Variants in PNPLA7 observed in about 807,000 individuals in gnomAD.
The protein encoded by PNPLA7 is patatin-like phospholipase domain-containing protein 7.
In PNPLA7, 153 loss-of-function variants were observed where a neutral mutation model predicts 161.7. The observed-to-expected ratio is 0.95, with a 90% CI of 0.83 to 1.08. The LOEUF is 1.08. PNPLA7 is among the 50% of genes least tolerant of loss of function. The pLI is 0.00. For synonymous variants in PNPLA7, 809 were observed against 782.1 expected (o/e 1.03, Z -0.57); for missense variants, 1,739 against 1,856.6 (o/e 0.94, Z 1.16).
intron 1 of PNPLA7, 66 bp downstream of exon 1, chr9:137,550,102 C>T: frequency 6.3e-7 from 1 of 1,599,198 alleles, no homozygotes; most frequent in East Asian, 2.2e-5. Context: ...CAAGAGGACC[C>T]TTCTCTGGGT....
chr9:137,521,571 C>T (rs1276506778), intron 10 of PNPLA7, 65 bp downstream of exon 10: 2 of 1,547,374 alleles, frequency 1.3e-6, no homozygotes, highest in Non-Finnish European at 1.8e-6. Context: ...CCGTGCCAAC[C>T]AATAGCTGTC....
At chr9:137,461,198 G>C (rs1191742827) in intron 33 of PNPLA7, 4 of 356,088 alleles carry the variant, frequency 1.1e-5, no homozygotes, top group Non-Finnish European at 2.1e-5. Flanking sequence ...CGCCCTTCTT[G>C]TCCTGCGGCC....
At chr9:137,488,180 T>C (rs1282617405) in intron 20 of PNPLA7, among the ~76,000 whole-genome samples, 2 of 152,166 alleles carry the variant, frequency 1.3e-5, no homozygotes, top group Non-Finnish European at 2.9e-5. Flanking sequence ...TGCAGTCTGA[T>C]GTCTCGTCCC....
chr9:137,469,086 T>G (rs1412221337), intron 25 of PNPLA7, among the ~76,000 whole-genome samples: 2 of 152,042 alleles, frequency 1.3e-5, no homozygotes, highest in Non-Finnish European at 2.9e-5. Flanking sequence ...TTCAAGGAAT[T>G]AAAAACAAGA....
Position 137,501,636 on chromosome 9 carries a change from A to AG in PNPLA7, c.1551+13dup, listed in dbSNP as rs1223602667. The AG allele has an allele frequency of 1.3e-6, 2 of 1,590,762 alleles. No homozygotes were observed. The highest frequency in any genetic ancestry group is 1.1e-5 in the South Asian group (1 of 90,094). ...TTGGGTGGTCCCAGTGCCCCCCCCC[A>AG]GACCCCCGCTCACCTGGTCTCCCTG... On this transcript the variant is annotated intron_variant, in intron 15 of 34. Coordinates refer to ENST00000406427, the MANE Select transcript of PNPLA7 (RefSeq NM_001098537.3).
At chr9:137,533,807 CAG>C (rs1446779990) in intron 8 of PNPLA7, among the ~76,000 whole-genome samples, 3 of 146,630 alleles carry the variant, frequency 2.0e-5, no homozygotes, top group Admixed American at 6.7e-5. Context: ...TCCTCCCCAA[CAG>C]TGTCCACTCC....
rs370084661 is a variant in PNPLA7 at position 137,480,303 on chromosome 9, C to A, written c.2580+9G>T. 6.2e-7 allele frequency: 1 copy of A among 1,610,310 alleles called. No homozygotes were observed. The highest frequency in any genetic ancestry group is 1.1e-5 in the South Asian group (1 of 90,842). On this transcript the variant is annotated intron_variant, in intron 23 of 34. Transcript: ENST00000406427. Reference sequence around the variant, plus strand: ...TCTCCCCAGCTCCACCGGCCCTCCCCGTGCTCACCTCGCCCACTGTGGGCT... The same window carrying A: ...TCTCCCCAGCTCCACCGGCCCTCCCAGTGCTCACCTCGCCCACTGTGGGCT...
At chr9:137,463,566 A>C in intron 28 of PNPLA7, 35 bp from the exon 29 acceptor site, 1 of 1,489,210 alleles carries the variant, frequency 6.7e-7, no homozygotes. Flanking sequence ...GGTTACCCGG[A>C]GGAGGCTCCT....
In PNPLA7 at chr9:137,540,770, C is replaced by A. The variant is rs766627205; in HGVS notation, c.667-48G>T. 6.5e-7 allele frequency: 1 copy of A among 1,549,154 alleles called. No homozygotes were observed. The highest frequency in any genetic ancestry group is 2.3e-5 in the East Asian group (1 of 42,762). ...GTGCCGTCAGGTCTGGGGCTGCGAC[C>A]GCGGGGCCTGGCGGAGGCTCAGCCC... On this transcript the variant is annotated intron_variant, in intron 7 of 34. Coordinates refer to ENST00000406427, the MANE Select transcript of PNPLA7 (RefSeq NM_001098537.3). This position sits in a 1 kb window ranked among gnomAD's most constrained non-coding sequence, Gnocchi z 5.1.
At chr9:137,546,246 A>G (rs1836519928) in intron 4 of PNPLA7, among the ~76,000 whole-genome samples, 1 of 151,992 alleles carries the variant, frequency 6.6e-6, no homozygotes. Context: ...GCCTCCTGTC[A>G]AGCAGACACG....
chr9:137,515,580 C>G, intron 11 of PNPLA7, 61 bp from the exon 12 acceptor site: 1 of 1,464,796 alleles, frequency 6.8e-7, no homozygotes, highest in Admixed American at 2.6e-5. Context: ...TCTGGTGCAG[C>G]CCATTCGGGG....
intron 31 of PNPLA7, 46 bp downstream of exon 31, chr9:137,462,133 A>G (rs539292445): frequency 6.5e-7 from 1 of 1,531,600 alleles, no homozygotes; most frequent in South Asian, 1.2e-5. Flanking sequence ...GGCAGCCACC[A>G]GAGTGCCTCC....
chr9:137,545,987 G>T (rs1322624821), intron 4 of PNPLA7, among the ~76,000 whole-genome samples: 9 of 152,100 alleles, frequency 5.9e-5, no homozygotes, highest in Non-Finnish European at 1.2e-4. Context: ...CTCCTGTGGA[G>T]GGCCTGACAT....
Position 137,467,311 on chromosome 9 carries a change from G to T in PNPLA7, c.3039+6C>A. The T allele has an allele frequency of 1.2e-6, 2 of 1,610,892 alleles. No individual in the cohort carries two copies. The highest frequency in any genetic ancestry group is 8.5e-7 in the Non-Finnish European group (1 of 1,178,612). On this transcript the variant is annotated splice_donor_region_variant and intron_variant, in intron 26 of 34. Transcript: ENST00000406427. The surrounding 1 kb of genome is among the most constrained non-coding windows in gnomAD (Gnocchi z 5.1). ...GCTCCGGTGAGGGTGATGGGTGCCT[G>T]CTTACCTCGGCCCACTGCTTGGCCC... is the stretch of plus-strand genomic sequence containing the variant.
At chr9:137,501,492 A>C (rs1227475569) in intron 15 of PNPLA7, among the ~76,000 whole-genome samples, 158 bp downstream of exon 15, 1 of 152,180 alleles carries the variant, frequency 6.6e-6, no homozygotes, top group Non-Finnish European at 1.5e-5. Context: ...GGGCTGCCTG[A>C]GGGGAGGGGC....
At chr9:137,464,540 TCATGAATGGAACGGGGGTC>T in intron 26 of PNPLA7, 84 bp from the exon 27 acceptor site, 1 of 1,248,662 alleles carries the variant, frequency 8.0e-7, no homozygotes, top group Non-Finnish European at 1.2e-6. Context: ...TGAGGGCCTC[TCATGAATGGAACGGGGGTC>T]CAGAGTGTCC....
In PNPLA7 at chr9:137,500,258, C is replaced by A. The variant is rs1351404901; in HGVS notation, c.1757+433G>T. The stretch of plus-strand genomic sequence containing the variant: ...AGACGCGTCCTCACCCACTGCCTTG[C>A]CCTTCCACCTCCGCATCACTGGCTC... On this transcript the variant is annotated intron_variant, in intron 16 of 34. Coordinates refer to ENST00000406427, the MANE Select transcript of PNPLA7 (RefSeq NM_001098537.3). This position sits in a 1 kb window ranked among gnomAD's most constrained non-coding sequence, Gnocchi z 5.5. 6.6e-6 allele frequency among the ~76,000 whole-genome samples: 1 copy of A among 152,264 alleles called. No homozygotes were observed. The highest frequency in any genetic ancestry group is 2.4e-5 in the African/African-American group (1 of 41,470).
At position 137,550,027 on chromosome 9, in the gene PNPLA7, C is replaced by G. The variant is rs907182739; in HGVS notation, c.30+141G>C. 4.1e-6 allele frequency: 4 copies of G among 970,630 alleles called. No homozygotes were observed. In the East Asian group the frequency reaches 9.6e-5, roughly 23 times the overall value. The allele number at this position is 970,630 out of a possible 1,614,324, so 60.1% of individuals were successfully genotyped here. Reference sequence around the variant, plus strand: ...ACAGGCAGCAGAGAGGGGCCAGATCCACCACTCCCACAGTCCTCAGGCGCC... The same window carrying G: ...ACAGGCAGCAGAGAGGGGCCAGATCGACCACTCCCACAGTCCTCAGGCGCC... On this transcript the variant is annotated intron_variant, in intron 1 of 34. Transcript: ENST00000406427.
chr9:137,493,711 A>T (rs1281692317), intron 19 of PNPLA7, among the ~76,000 whole-genome samples: 1 of 152,216 alleles, frequency 6.6e-6, no homozygotes, highest in Admixed American at 6.5e-5. Context: ...AGGGTGGGCC[A>T]GGGCTCCTGC....
Sources: gnomAD v4.1 joint callset for allele counts (sites outside exome capture counted in the v4.1 genomes callset) on GRCh38, gnomAD v4.1.1 for gene constraint, Gnocchi (gnomAD v3.1) non-coding constraint, MANE v1.5 for transcripts, NCBI Gene and HGNC (gene_info 2026-07-23, HGNC 2026-07-21) for gene names.